XRN1: variants seen among roughly 807,000 people sequenced by gnomAD.
XRN1 encodes the protein 5'-3' exoribonuclease 1.
Under a neutral mutation model 222.3 loss-of-function variants are expected in XRN1, and 67 were observed. That is an observed-to-expected ratio of 0.30 (90% confidence interval 0.25 to 0.37). The LOEUF (loss-of-function observed/expected upper bound fraction) is 0.37. Ranked by LOEUF, XRN1 falls within the 10% of genes least tolerant of loss-of-function variation. The pLI is 1.00. For missense variants in XRN1, 1,707 were observed against 2,000.2 expected, an observed-to-expected ratio of 0.85 and a Z score of 2.80; for synonymous variants, 643 against 652.4, an observed-to-expected ratio of 0.99 and a Z score of 0.22.
At chr3:142,418,457 A>G in intron 12 of XRN1, 47 bp downstream of exon 12, 1 of 1,460,222 alleles carries the variant, frequency 6.8e-7, no homozygotes. Context: ...ATAACTGCAA[A>G]ATCTAATTTT....
chr3:142,366,335 T>C (rs929260414), intron 27 of XRN1, among the ~76,000 whole-genome samples: 3 of 152,220 alleles, frequency 2.0e-5, no homozygotes. Context: ...ATCCAGGCTA[T>C]AGAATCCATA....
intron 25 of XRN1, among the ~76,000 whole-genome samples, chr3:142,371,694 A>G (rs1234542272): frequency 1.3e-5 from 2 of 152,232 alleles, no homozygotes; most frequent in East Asian, 3.8e-4. Context: ...AAAATAGATT[A>G]AAAGCATCTT....
At chr3:142,424,031 C>T (rs1224202041) in intron 5 of XRN1, among the ~76,000 whole-genome samples, 1 of 151,318 alleles carries the variant, frequency 6.6e-6, no homozygotes, top group Non-Finnish European at 1.5e-5. Context: ...ACCAGGATAG[C>T]CCCAGTATAT....
chr3:142,342,203 A>G (rs2066013745), intron 33 of XRN1, among the ~76,000 whole-genome samples: 1 of 152,234 alleles, frequency 6.6e-6, no homozygotes, highest in Non-Finnish European at 1.5e-5. Flanking sequence ...TTCCATTTAC[A>G]ATAGCTACAG....
In XRN1 at chr3:142,422,342, TA is replaced by T. The variant is rs935347884; in HGVS notation, c.967+239del. ...CCCGTCTCAAAAAATAAATAAATAA[TA>T]AAAAAAAGGCAAAGATTAGTTAGAT... On this transcript the variant is annotated intron_variant, in intron 8 of 40. Coordinates refer to ENST00000392981, the MANE Select transcript of XRN1 (RefSeq NM_001282857.2). Among the ~76,000 whole-genome samples, 272 of 151,660 alleles carry T rather than the reference TA, an allele frequency of 1.8e-3. 1 individual carries two copies. The highest frequency in any genetic ancestry group is 6.4e-3 in the African/African-American group (265 of 41,388).
At chr3:142,329,231 T>C (rs996785846) in intron 37 of XRN1, among the ~76,000 whole-genome samples, 106 of 152,290 alleles carry the variant, frequency 7.0e-4, no homozygotes, top group African/African-American at 2.5e-3. Flanking sequence ...GGATACCTGC[T>C]GCCCAGTTCC....
chr3:142,442,089 G>A (rs1051661947), intron 1 of XRN1, among the ~76,000 whole-genome samples: 6 of 152,082 alleles, frequency 3.9e-5, no homozygotes, highest in African/African-American at 1.4e-4. Flanking sequence ...GCCCTCACTT[G>A]GGCACTAGAA....
At chr3:142,423,756 A>G (rs1252692115) in intron 5 of XRN1, 114 bp from the exon 6 acceptor site, 6 of 718,580 alleles carry the variant, frequency 8.3e-6, no homozygotes, top group African/African-American at 5.5e-5. Flanking sequence ...CAATTAGCAC[A>G]TTAAATATAC....
rs746200294 is a variant in XRN1, at chr3:142,447,008, G to A, written c.75+862C>T. Among the ~76,000 whole-genome samples, 3 of 143,164 alleles carry A rather than the reference G, an allele frequency of 2.1e-5. No homozygotes were observed. The highest frequency in any genetic ancestry group is 1.3e-4 in the Admixed American group (2 of 14,966). The allele number at this position is 143,164 out of a possible 152,430, so 93.9% of individuals were successfully genotyped here. ...TTTTTCTGTAAAGCATCAGAAAAGA[G>A]ATCAAATTCATTAAATGTGACAAAC... On this transcript the variant is annotated intron_variant, in intron 1 of 40. Transcript: ENST00000392981. The surrounding 1 kb of genome is among the most constrained non-coding windows in gnomAD (Gnocchi z 4.2).
chr3:142,384,730 C>G (rs1453821927), intron 20 of XRN1, 45 bp from the exon 21 acceptor site: 1 of 1,397,600 alleles, frequency 7.2e-7, no homozygotes, highest in Non-Finnish European at 9.7e-7. Context: ...AATGAGTATG[C>G]AGATATTCTA....
At chr3:142,381,769 G>C (rs753540057) in intron 22 of XRN1, among the ~76,000 whole-genome samples, 17 of 151,756 alleles carry the variant, frequency 1.1e-4, no homozygotes, top group Non-Finnish European at 1.9e-4. Context: ...GTTTCGCTGT[G>C]TTGGCCAGCC....
At chr3:142,383,135 T>C (rs1214694550) in intron 22 of XRN1, among the ~76,000 whole-genome samples, 165 bp downstream of exon 22, 6 of 152,310 alleles carry the variant, frequency 3.9e-5, no homozygotes, top group East Asian at 1.9e-4. Flanking sequence ...CTTAGATATA[T>C]AGTATTTAGA....
rs186206315 is a variant in XRN1 at position 142,412,514 on chromosome 3, G to A, written c.1713+30C>T. 466 of 1,553,016 alleles carry A rather than the reference G, an allele frequency of 3.0e-4. 4 individuals carry two copies. The African/African-American group carries it at 5.3e-3, about 18-fold the overall frequency. On this transcript the variant is annotated intron_variant, in intron 15 of 40. Coordinates refer to ENST00000392981, the MANE Select transcript of XRN1 (RefSeq NM_001282857.2). ...AAATAGTCTCTGATTAAGAATGTAT[G>A]TGTATGTAATGATTATTTCATGCAC...
intron 1 of XRN1, among the ~76,000 whole-genome samples, chr3:142,438,629 C>A (rs1351086876): frequency 6.6e-6 from 1 of 152,060 alleles, no homozygotes; most frequent in Non-Finnish European, 1.5e-5. Context: ...AGAATGGGAC[C>A]AATCTGACCC....
At chr3:142,380,962 CT>C (rs1217753105) in intron 22 of XRN1, among the ~76,000 whole-genome samples, 5 of 150,458 alleles carry the variant, frequency 3.3e-5, no homozygotes, top group African/African-American at 1.2e-4. Flanking sequence ...CCCAATCATT[CT>C]TTTTTAAATT....
chr3:142,369,342 A>G (rs2066912417), intron 27 of XRN1, among the ~76,000 whole-genome samples: 1 of 152,148 alleles, frequency 6.6e-6, no homozygotes, highest in African/African-American at 2.4e-5. Flanking sequence ...CAATGAGTGT[A>G]TGAGTAAGAA....
chr3:142,376,222 T>C, intron 24 of XRN1: 1 of 633,096 alleles, frequency 1.6e-6, no homozygotes, highest in Non-Finnish European at 2.6e-6. Context: ...GGAAATATAC[T>C]ACTGAGGTTC....
intron 23 of XRN1, among the ~76,000 whole-genome samples, chr3:142,379,369 T>C (rs942491581): frequency 1.3e-5 from 2 of 152,162 alleles, no homozygotes; most frequent in Admixed American, 1.3e-4. Context: ...CAATCAAGTG[T>C]AGGAGAAGAA....
intron 13 of XRN1, among the ~76,000 whole-genome samples, chr3:142,415,284 C>CA (rs1256733712): frequency 1.3e-5 from 2 of 151,806 alleles, no homozygotes; most frequent in African/African-American, 4.8e-5. Context: ...GTCAGGATAC[C>CA]AAAAACATTG....
Sources: gnomAD v4.1 joint callset for allele counts (sites outside exome capture counted in the v4.1 genomes callset) on GRCh38, gnomAD v4.1.1 for gene constraint, Gnocchi (gnomAD v3.1) non-coding constraint, MANE v1.5 for transcripts, NCBI Gene and HGNC (gene_info 2026-07-23, HGNC 2026-07-21) for gene names.